The following KIZ variants were observed in gnomAD, a reference collection of about 807,000 sequenced individuals.
KIZ encodes the protein kizuna centrosomal protein.
In KIZ, 68 loss-of-function variants were observed where a neutral mutation model predicts 79.6. The observed-to-expected ratio is 0.85, with a 90% confidence interval of 0.70 to 1.05. The LOEUF (loss-of-function observed/expected upper bound fraction) is 1.05, where lower values mean the gene tolerates loss of function less well. Among genes scored for constraint, KIZ ranks in the 50% least tolerant of loss-of-function variants. The probability of loss-of-function intolerance (pLI) is 0.00; values close to 1 mark genes in which losing one functional copy is unlikely to be tolerated. For missense variants in KIZ, 797 were observed against 800.4 expected, an observed-to-expected ratio of 1.00 and a Z score of 0.05; for synonymous variants, 280 against 281.8, an observed-to-expected ratio of 0.99 and a Z score of 0.06.
chr20:21,163,090 A>G lies in KIZ; in HGVS notation c.1283A>G (p.Asn428Ser). The change falls in exon 6 of 13, where the codon AAT becomes AGT. Residue 428 changes from asparagine (N) to serine (S), a missense_variant. By Grantham distance (46) the Asn-to-Ser change is conservative. Transcript: ENST00000619189. ...QERVALSTEK[N>S]CILQTLSSPD... is the part of the protein sequence containing the mutation. ...AGAGTTGCCCTATCCACTGAAAAAA[A>G]TTGTATTTTGCAAACCCTAAGCTCT... 3 of 1,613,892 alleles carry G rather than the reference A, an allele frequency of 1.9e-6. No homozygotes were observed. The highest frequency in any genetic ancestry group is 2.2e-5 in the East Asian group (1 of 44,880).
rs35460260 is a variant in KIZ, at chr20:21,162,394, A to T, written c.929A>T (p.Glu310Val). Residue 310 changes from glutamate (E) to valine (V), a missense_variant, in exon 5 of 13, where the codon GAA becomes GTA. Transcript: ENST00000619189. ...EGEILTREHI[E>V]VEEKRASPPV... The stretch of plus-strand genomic sequence containing the variant: ...GAAATACTGACACGGGAACATATTG[A>T]AGTTGAGGAAAAAAGAGCCAGCCCG... 1,606 of 1,613,572 alleles carry T rather than the reference A, an allele frequency of 1.0e-3. 13 individuals are homozygous for T. The African/African-American group carries it at 0.019, about 19-fold the overall frequency.
rs183865284 is a variant in KIZ at position 21,214,250 on chromosome 20, G to A, written c.1447-285G>A. ...TGCCCAGATTAACAGAGGTGGTCAC[G>A]TTTCATATACATACTTAACAAGCAG... On this transcript the variant is annotated intron_variant, in intron 7 of 12. Coordinates refer to ENST00000619189, the MANE Select transcript of KIZ (RefSeq NM_018474.6). 1.4e-4 allele frequency among the ~76,000 whole-genome samples: 21 copies of A among 152,086 alleles called. No individual in the cohort carries two copies. In the East Asian group the frequency reaches 3.1e-3, roughly 22 times the overall value.
rs561206023 is a variant in KIZ, at chr20:21,135,903, A to G, written c.153-487A>G. On this transcript the variant is annotated intron_variant, in intron 2 of 12. Transcript: ENST00000619189. ...GTAGCAATTTCTAACAAGTATGTTT[A>G]TATTATCTAAATGAGAGCTTTTGGT... Among the ~76,000 whole-genome samples, 4 of 152,302 alleles carry G rather than the reference A, an allele frequency of 2.6e-5. No homozygotes were observed. The South Asian group carries it at 8.3e-4, about 32-fold the overall frequency.
At chr20:21,244,368 C>A (rs2037321113) in intron 12 of KIZ, 80 bp downstream of exon 12, 3 of 1,000,490 alleles carry the variant, frequency 3.0e-6, no homozygotes, top group African/African-American at 1.6e-5. Context: ...GTTGTTTGCA[C>A]CCTCATGTGA....
chr20:21,245,444 C>T (rs1026098264), intron 12 of KIZ: 1 of 152,200 alleles, frequency 6.6e-6, no homozygotes, highest in African/African-American at 2.4e-5. Context: ...CTTCAGCGTC[C>T]GTTTGTTTGC....
intron 4 of KIZ, among the ~76,000 whole-genome samples, chr20:21,146,557 T>C (rs1399736682): frequency 3.3e-5 from 5 of 152,216 alleles, no homozygotes; most frequent in Non-Finnish European, 7.3e-5. Context: ...GTTTGCCCTA[T>C]AGCTACCGAT....
At chr20:21,236,425 C>T (rs377645609) in intron 11 of KIZ, among the ~76,000 whole-genome samples, 14 of 152,290 alleles carry the variant, frequency 9.2e-5, no homozygotes, top group East Asian at 3.9e-4. Flanking sequence ...CTGATTTCCA[C>T]TAGCAGTCAA....
chr20:21,140,829 A>AT, intron 3 of KIZ, among the ~76,000 whole-genome samples: 1 of 151,920 alleles, frequency 6.6e-6, no homozygotes, highest in Non-Finnish European at 1.5e-5. Context: ...AAATTTAAAA[A>AT]TAAAATTTAA....
intron 3 of KIZ, among the ~76,000 whole-genome samples, chr20:21,140,901 A>G (rs1350198853): frequency 2.0e-5 from 3 of 151,874 alleles, no homozygotes; most frequent in Non-Finnish European, 2.9e-5. Context: ...CTGCTCAGGA[A>G]TCTGAGATGG....
intron 4 of KIZ, 47 bp from the exon 5 acceptor site, chr20:21,161,824 T>C (rs1315575829): frequency 7.3e-7 from 1 of 1,375,258 alleles, no homozygotes; most frequent in Non-Finnish European, 9.9e-7. Flanking sequence ...CCCCACCTAA[T>C]TGTTTATACA....
chr20:21,231,905 C>A (rs1243389390), intron 10 of KIZ, among the ~76,000 whole-genome samples: 1 of 152,206 alleles, frequency 6.6e-6, no homozygotes, highest in African/African-American at 2.4e-5. Flanking sequence ...TCTGAAAAGA[C>A]CTCCTCCTGG....
At chr20:21,222,658 G>A (rs528393316) in intron 9 of KIZ, among the ~76,000 whole-genome samples, 1 of 152,294 alleles carries the variant, frequency 6.6e-6, no homozygotes, top group Non-Finnish European at 1.5e-5. Flanking sequence ...CGTCAGCAGG[G>A]CCCTTGCCTC....
intron 6 of KIZ, among the ~76,000 whole-genome samples, chr20:21,186,882 T>A (rs1056899168): frequency 1.3e-5 from 2 of 152,170 alleles, no homozygotes; most frequent in African/African-American, 4.8e-5. Context: ...TTCTTATTTC[T>A]TCTTTTTGTC....
Position 21,228,993 on chromosome 20 carries a change from T to C in KIZ, c.1679-18T>C, listed in dbSNP as rs779003990. The C allele has an allele frequency of 2.1e-6, 3 of 1,445,388 alleles. No individual in the cohort carries two copies. Among genetic ancestry groups the C allele is most frequent in the Non-Finnish European group, 2.9e-6 (3 of 1,036,730 alleles). The allele number at this position is 1,445,388 out of a possible 1,614,324, so 89.5% of individuals were successfully genotyped here. A position where few individuals can be genotyped will look rare whatever the true frequency, so the allele number is the denominator to read the frequency against. On this transcript the variant is annotated intron_variant, in intron 9 of 12. Transcript: ENST00000619189. ...CAGTAAAAAATGTAATATTTCTGTG[T>C]TTTTCTTTAATCAACAGAAACAGAA...
intron 6 of KIZ, among the ~76,000 whole-genome samples, chr20:21,188,794 G>C (rs975576751): frequency 6.6e-5 from 10 of 151,652 alleles, no homozygotes; most frequent in Non-Finnish European, 1.3e-4. Flanking sequence ...CTGCCTCCTG[G>C]GTTCACGCCA....
At chr20:21,244,324 C>G in intron 12 of KIZ, 36 bp downstream of exon 12, 2 of 1,444,172 alleles carry the variant, frequency 1.4e-6, no homozygotes, top group Non-Finnish European at 1.9e-6. Flanking sequence ...TTTTCTTTTT[C>G]TGTTTTAACC....
chr20:21,179,078 C>A (rs1442447780), intron 6 of KIZ, among the ~76,000 whole-genome samples: 1 of 151,714 alleles, frequency 6.6e-6, no homozygotes, highest in East Asian at 1.9e-4. Flanking sequence ...GTAATGCGGG[C>A]CTAATAAAAT....
At chr20:21,169,701 G>GA (rs2034119351) in intron 6 of KIZ, among the ~76,000 whole-genome samples, 1 of 152,138 alleles carries the variant, frequency 6.6e-6, no homozygotes, top group Non-Finnish European at 1.5e-5. Flanking sequence ...TTCTCTACTT[G>GA]AAAATGACCT....
chr20:21,230,068 A>G (rs1281712447), intron 10 of KIZ, among the ~76,000 whole-genome samples: 1 of 152,196 alleles, frequency 6.6e-6, no homozygotes, highest in East Asian at 1.9e-4. Context: ...AAGGAAATCC[A>G]CATTAATGAC....
Sources: allele counts gnomAD v4.1 joint callset (sites outside exome capture counted in the v4.1 genomes callset), GRCh38; gene constraint gnomAD v4.1.1; transcripts MANE v1.5; gene names NCBI Gene and HGNC (gene_info 2026-07-23, HGNC 2026-07-21).